The following CAMK2D variants were observed in gnomAD, a reference collection of about 807,000 sequenced individuals.
The protein encoded by CAMK2D is calcium/calmodulin-dependent protein kinase type II subunit delta.
Under a neutral mutation model 84.0 loss-of-function variants are expected in CAMK2D, and 37 were observed. The ratio of observed to expected loss-of-function variants is 0.44; its 90% CI spans 0.34 to 0.58. The LOEUF is 0.58. CAMK2D is among the 20% of genes least tolerant of loss of function. CAMK2D has a pLI of 0.02. For missense variants in CAMK2D, 448 were observed against 652.5 expected (o/e 0.69, Z 3.41); for synonymous variants, 202 against 212.5 (o/e 0.95, Z 0.43).
intron 4 of CAMK2D, among the ~76,000 whole-genome samples, chr4:113,602,609 T>G (rs2098958000): frequency 6.6e-6 from 1 of 152,172 alleles, no homozygotes; most frequent in African/African-American, 2.4e-5. Flanking sequence ...CCTCATCTAT[T>G]TACCTTCATA....
intron 14 of CAMK2D, among the ~76,000 whole-genome samples, chr4:113,504,665 C>T (rs1442249879): frequency 6.6e-6 from 1 of 152,046 alleles, no homozygotes; most frequent in South Asian, 2.1e-4. Flanking sequence ...GCAACCAAAG[C>T]GCTGTATTTT....
At chr4:113,707,619 T>C (rs976669495) in intron 2 of CAMK2D, among the ~76,000 whole-genome samples, 1 of 152,188 alleles carries the variant, frequency 6.6e-6, no homozygotes, top group African/African-American at 2.4e-5. Flanking sequence ...AAGATCCTTT[T>C]TAACTCCAAT....
chr4:113,741,921 C>T (rs959697806), intron 2 of CAMK2D, among the ~76,000 whole-genome samples: 1 of 152,164 alleles, frequency 6.6e-6, no homozygotes, highest in African/African-American at 2.4e-5. Flanking sequence ...TCACGGTTTG[C>T]TTCTTTTCAT....
intron 2 of CAMK2D, among the ~76,000 whole-genome samples, chr4:113,727,808 GA>G (rs2148720803): frequency 6.6e-6 from 1 of 152,142 alleles, no homozygotes; most frequent in Admixed American, 6.5e-5. Flanking sequence ...AGAATTCTTA[GA>G]AATCAGCAAT....
chr4:113,462,288 GTGTGTGTCTGTC>G (rs1373090772), intron 17 of CAMK2D, among the ~76,000 whole-genome samples: 51 of 84,206 alleles, frequency 6.1e-4, no homozygotes, highest in African/African-American at 2.0e-3. Context: ...GTGTGTGTGT[GTGTGTGTCTGTC>G]TGTCTGTCTG....
intron 16 of CAMK2D, among the ~76,000 whole-genome samples, chr4:113,469,360 G>A (rs2097519309): frequency 6.6e-6 from 1 of 152,138 alleles, no homozygotes; most frequent in Non-Finnish European, 1.5e-5. Context: ...CCACCTTCTT[G>A]TCTTGGAACA....
chr4:113,655,684 A>G (rs546710883), intron 3 of CAMK2D, among the ~76,000 whole-genome samples: 3 of 152,214 alleles, frequency 2.0e-5, no homozygotes, highest in East Asian at 1.9e-4. Context: ...TGAACTGCAA[A>G]GTTGTCTCAA....
At chr4:113,601,651 A>G (rs759256021) in intron 4 of CAMK2D, among the ~76,000 whole-genome samples, 11 of 145,508 alleles carry the variant, frequency 7.6e-5, no homozygotes, top group Non-Finnish European at 1.7e-4. Context: ...TATTTAAAAT[A>G]TAATGCATTT....
Position 113,673,211 on chromosome 4 carries a change from G to GA in CAMK2D, c.161-11440dup, listed in dbSNP as rs917567066. ...ATGAGTGTCTCTGAGAGAAATATTT[G>GA]AAAAAAATGCATCTCCTGGAGTTAG... On this transcript the variant is annotated intron_variant, in intron 2 of 20. Coordinates refer to ENST00000511664, the MANE Select transcript of CAMK2D (RefSeq NM_001321571.2). Among the ~76,000 whole-genome samples the GA allele has an allele frequency of 2.6e-5, 4 of 151,954 alleles. No homozygotes were observed. The South Asian group carries it at 6.2e-4, about 24-fold the overall frequency.
intron 2 of CAMK2D, among the ~76,000 whole-genome samples, chr4:113,707,626 C>A (rs1446006129): frequency 6.6e-6 from 1 of 152,126 alleles, no homozygotes; most frequent in African/African-American, 2.4e-5. Context: ...TTTTTAACTC[C>A]AATTTCTGCA....
At chr4:113,513,419 T>C in intron 11 of CAMK2D, 49 bp from the exon 12 acceptor site, 3 of 1,147,322 alleles carry the variant, frequency 2.6e-6, no homozygotes, top group Non-Finnish European at 4.0e-6. Flanking sequence ...ATGCAAATTC[T>C]GGACCTAACA....
chr4:113,591,063 A>C (rs998354886), intron 4 of CAMK2D, among the ~76,000 whole-genome samples: 1 of 152,176 alleles, frequency 6.6e-6, no homozygotes, highest in Admixed American at 6.5e-5. Flanking sequence ...TAGTTAGTAA[A>C]GGGAAGGAAG....
chr4:113,682,558 A>T (rs2099348913), intron 2 of CAMK2D, among the ~76,000 whole-genome samples: 1 of 152,064 alleles, frequency 6.6e-6, no homozygotes, highest in South Asian at 2.1e-4. Context: ...AAGACTGAAA[A>T]AAACTGTAAT....
At chr4:113,647,455 T>C (rs1034307119) in intron 3 of CAMK2D, among the ~76,000 whole-genome samples, 21 of 152,236 alleles carry the variant, frequency 1.4e-4, no homozygotes, top group African/African-American at 4.3e-4. Context: ...GCTATTTATC[T>C]TTTTGTTGTA....
intron 2 of CAMK2D, chr4:113,679,352 A>G (rs1173672880): frequency 2.4e-6 from 1 of 425,380 alleles, no homozygotes; most frequent in African/African-American, 2.2e-5. Context: ...CAAAATTTAG[A>G]CTCTTATCCT....
intron 16 of CAMK2D, among the ~76,000 whole-genome samples, chr4:113,490,256 T>C (rs566241219): frequency 2.1e-4 from 32 of 150,338 alleles, no homozygotes; most frequent in Non-Finnish European, 3.7e-4. Context: ...GGTTTTCTTC[T>C]AGGGGTTTTA....
rs1386202561 is a variant in CAMK2D, at chr4:113,575,743, C to T, written c.276-23647G>A. Among the ~76,000 whole-genome samples, 6 of 152,152 alleles carry T rather than the reference C, an allele frequency of 3.9e-5. No individual in the cohort carries two copies. In the Middle Eastern group the frequency reaches 0.01, roughly 259 times the overall value. On this transcript the variant is annotated intron_variant, in intron 4 of 20. Coordinates refer to ENST00000511664, the MANE Select transcript of CAMK2D (RefSeq NM_001321571.2). ...CCCTTTAATTTCCAGTTTCTAATTG[C>T]CTAAATGCTTGGACATTAGATTATA...
At chr4:113,639,045 C>T (rs139930412) in intron 3 of CAMK2D, among the ~76,000 whole-genome samples, 3 of 150,872 alleles carry the variant, frequency 2.0e-5, no homozygotes, top group Admixed American at 1.3e-4. Context: ...GAATTCGAGA[C>T]CAGCCTGGGC....
chr4:113,513,889 T>C lies in CAMK2D; in HGVS notation c.844A>G (p.Met282Val). ...ICQRSTVASM[M>V]HRQETVDCLK... ...CAGTCTACAGTCTCCTGTCTGTGCA[T>C]CATGGAAGCAACAGTAGAACGTTGC... Residue 282 changes from methionine (M) to valine (V), a missense_variant, in exon 11 of 21, where the codon ATG (methionine) becomes GTG (valine). Around this residue, in one of 7 missense-constraint regions of CAMK2D, gnomAD observed 69 missense variants for 175.6 expected, o/e 0.39. Coordinates refer to ENST00000511664, the MANE Select transcript of CAMK2D (RefSeq NM_001321571.2). 6.3e-7 allele frequency: 1 copy of C among 1,587,360 alleles called. No homozygotes were observed. The highest frequency in any genetic ancestry group is 2.2e-5 in the East Asian group (1 of 44,634).
Sources: gnomAD v4.1 joint callset for allele counts (sites outside exome capture counted in the v4.1 genomes callset) on GRCh38, gnomAD v4.1.1 for gene constraint, gnomAD v4.1.1 regional missense constraint, MANE v1.5 for transcripts, NCBI Gene and HGNC (gene_info 2026-07-23, HGNC 2026-07-21) for gene names.